KIAA1671: variants seen among roughly 807,000 people sequenced by gnomAD.
KIAA1671 encodes uncharacterized protein KIAA1671.
Under a neutral mutation model 131.2 loss-of-function variants are expected in KIAA1671, and 52 were observed. That is an observed-to-expected ratio of 0.40 (90% CI 0.32 to 0.50). KIAA1671 has a LOEUF of 0.50. Among genes scored for constraint, KIAA1671 ranks in the 20% least tolerant of loss-of-function variants. The pLI, the probability that KIAA1671 is intolerant of heterozygous loss-of-function variation, is 0.73. For synonymous variants in KIAA1671, 1,003 were observed against 961.6 expected (o/e 1.04, Z -0.80); for missense variants, 2,360 against 2,364.2 (o/e 1.00, Z 0.04).
At chr22:25,093,756 C>A (rs867140487) in intron 6 of KIAA1671, among the ~76,000 whole-genome samples, 2 of 102,884 alleles carry the variant, frequency 1.9e-5, no homozygotes, top group African/African-American at 1.0e-4. Flanking sequence ...CTCTCTCTCT[C>A]TCTCTCTCTC....
chr22:25,160,462 G>T (rs186037370), intron 6 of KIAA1671, among the ~76,000 whole-genome samples: 1 of 152,088 alleles, frequency 6.6e-6, no homozygotes, highest in African/African-American at 2.4e-5. Context: ...CTTTCGGTTC[G>T]GTCTTGCTCC....
At chr22:25,065,775 G>T (rs1204939497) in intron 6 of KIAA1671, among the ~76,000 whole-genome samples, 1 of 151,876 alleles carries the variant, frequency 6.6e-6, no homozygotes, top group Admixed American at 6.6e-5. Context: ...GAGTAGGTGG[G>T]ATTATAGGTG....
chr22:25,177,499 C>T lies in KIAA1671; in HGVS notation c.5051C>T (p.Thr1684Met), dbSNP rs374956550. 57 of 1,551,456 alleles carry T rather than the reference C, an allele frequency of 3.7e-5. No individual in the cohort carries two copies. The Middle Eastern group carries it at 5.0e-4, about 14-fold the overall frequency. Residue 1684 changes from threonine (T) to methionine (M), a missense_variant, in exon 9 of 13, where the codon ACG becomes ATG. Around this residue, in one of 3 missense-constraint regions of KIAA1671, gnomAD observed 1,161 missense variants for 1,204.7 expected, o/e 0.96. Coordinates refer to ENST00000358431, the MANE Select transcript of KIAA1671 (RefSeq NM_001145206.2). Reference sequence around the variant, plus strand: ...CCTTTGGAGGATGAGACTGACAACACGTGGATGTTCAAAGACTCAACGGGT... The same window carrying T: ...CCTTTGGAGGATGAGACTGACAACATGTGGATGTTCAAAGACTCAACGGGT... ...RSPLEDETDN[T>M]WMFKDSTEEK...
At chr22:25,095,505 G>T (rs113811328) in intron 6 of KIAA1671, among the ~76,000 whole-genome samples, 255 of 152,156 alleles carry the variant, frequency 1.7e-3, no homozygotes, top group African/African-American at 6.0e-3. Flanking sequence ...TAAAAAATTA[G>T]CCAGGCATGG....
intron 6 of KIAA1671, chr22:25,051,889 C>T (rs1927550975): frequency 6.6e-6 from 1 of 152,282 alleles, no homozygotes; most frequent in Admixed American, 6.5e-5. Flanking sequence ...TCATGTTCAT[C>T]TTCATTTTTT....
chr22:25,117,403 A>G (rs1601330174), intron 6 of KIAA1671, among the ~76,000 whole-genome samples: 4 of 152,220 alleles, frequency 2.6e-5, no homozygotes, highest in African/African-American at 9.6e-5. Flanking sequence ...TCCATCCAGC[A>G]TGTGTCGGCC....
intron 6 of KIAA1671, among the ~76,000 whole-genome samples, chr22:25,127,161 C>T (rs1932219663): frequency 1.3e-5 from 2 of 152,200 alleles, no homozygotes; most frequent in Non-Finnish European, 2.9e-5. Context: ...TCATAATACT[C>T]TTCATGGTGG....
At chr22:25,160,167 A>G (rs1933386067) in intron 6 of KIAA1671, among the ~76,000 whole-genome samples, 3 of 152,200 alleles carry the variant, frequency 2.0e-5, no homozygotes, top group Non-Finnish European at 2.9e-5. Context: ...AACAGAGTAA[A>G]CTGAGGCACA....
intron 6 of KIAA1671, among the ~76,000 whole-genome samples, chr22:25,086,871 C>T (rs1434104675): frequency 1.3e-5 from 2 of 152,196 alleles, no homozygotes; most frequent in African/African-American, 2.4e-5. Context: ...AATTTAGAGC[C>T]GGCTGAGCAG....
chr22:25,003,503 C>CGGGG (rs1924583590), intron 1 of KIAA1671, among the ~76,000 whole-genome samples: 1 of 149,100 alleles, frequency 6.7e-6, no homozygotes, highest in Non-Finnish European at 1.5e-5. Flanking sequence ...GCTCCACCTC[C>CGGGG]GGGGTTCACG....
At chr22:25,127,724 T>C (rs1932251043) in intron 6 of KIAA1671, among the ~76,000 whole-genome samples, 1 of 152,244 alleles carries the variant, frequency 6.6e-6, no homozygotes, top group African/African-American at 2.4e-5. Context: ...TATGTTGGAT[T>C]TTCTTTTCCT....
chr22:25,028,596 G>A lies in KIAA1671; in HGVS notation c.597G>A (p.Leu199=). ...PAGTLPRSAP[L]SQDTKPPVPQ... ...GGACCCTTCCCCGGTCAGCTCCCCT[G>A]TCTCAGGACACAAAACCACCTGTAC... The change falls in exon 3 of 13, where the codon CTG becomes CTA. Residue 199 remains leucine, a synonymous_variant. Coordinates refer to ENST00000358431, the MANE Select transcript of KIAA1671 (RefSeq NM_001145206.2). The A allele has an allele frequency of 1.3e-6, 2 of 1,547,670 alleles. No homozygotes were observed. Among genetic ancestry groups the A allele is most frequent in the South Asian group, 1.2e-5 (1 of 83,972 alleles).
rs5752076 is a variant in KIAA1671, at chr22:25,191,106, G to T, written c.*4+322G>T. ...ACAGTCCCCTCTGATAAAACAAAAG[G>T]GCGGGGACATCAGAGGTTAGCTTAA... On this transcript the variant is annotated intron_variant, in intron 12 of 12. Transcript: ENST00000358431. Among the ~76,000 whole-genome samples, 299 of 152,030 alleles carry T rather than the reference G, an allele frequency of 2.0e-3. 7 individuals are homozygous for T. In the East Asian group the frequency reaches 0.05, roughly 25 times the overall value.
chr22:24,967,753 G>T (rs1487076960), intron 1 of KIAA1671, among the ~76,000 whole-genome samples: 1 of 152,228 alleles, frequency 6.6e-6, no homozygotes, highest in Non-Finnish European at 1.5e-5. Flanking sequence ...AGCACTCTGG[G>T]AGGCCAAGGT....
rs972187721 is a variant in KIAA1671, at chr22:25,192,838, G to A, written c.*437G>A. On this transcript the variant is annotated 3_prime_UTR_variant, in exon 13 of 13. Transcript: ENST00000358431. Reference sequence around the variant, plus strand: ...CGACCCCGGGGCAGGTCTTTTTTTGGAAGGACATTTCCAAGGAAGATCAAA... The same window carrying A: ...CGACCCCGGGGCAGGTCTTTTTTTGAAAGGACATTTCCAAGGAAGATCAAA... The A allele has an allele frequency of 1.4e-4, 21 of 152,200 alleles. 1 individual carries two copies. Among genetic ancestry groups the A allele is most frequent in the Admixed American group, 5.2e-4 (8 of 15,288 alleles). 9.4% of individuals were successfully genotyped at this position (152,200 alleles called of 1,614,324 possible). A position where few individuals can be genotyped will look rare whatever the true frequency, so the allele number is the denominator to read the frequency against.
At chr22:25,176,628 T>G (rs1287994318) in intron 8 of KIAA1671, 1 of 152,134 alleles carries the variant, frequency 6.6e-6, no homozygotes, top group Non-Finnish European at 1.5e-5. Flanking sequence ...CCCAGCAGGG[T>G]TTGAACCCCA....
chr22:24,979,293 G>C (rs1300229989), intron 1 of KIAA1671, among the ~76,000 whole-genome samples: 1 of 149,820 alleles, frequency 6.7e-6, no homozygotes, highest in Non-Finnish European at 1.5e-5. Flanking sequence ...TGGGATTAGA[G>C]GTGTGAGCCA....
chr22:25,112,119 C>T, intron 6 of KIAA1671: 2 of 398,374 alleles, frequency 5.0e-6, no homozygotes, highest in Non-Finnish European at 4.4e-6. Flanking sequence ...AGGACACTGG[C>T]GTTTTAATTG....
intron 1 of KIAA1671, among the ~76,000 whole-genome samples, chr22:24,991,683 G>A (rs1348873789): frequency 6.9e-6 from 1 of 144,262 alleles, no homozygotes; most frequent in Non-Finnish European, 1.5e-5. Flanking sequence ...GGATGGTCAC[G>A]ATCTCCTGAC....
Sources: allele counts gnomAD v4.1 joint callset (sites outside exome capture counted in the v4.1 genomes callset), GRCh38; gene constraint gnomAD v4.1.1; regional missense constraint gnomAD v4.1.1; transcripts MANE v1.5; gene names NCBI Gene and HGNC (gene_info 2026-07-23, HGNC 2026-07-21).